ELAVL2: variants seen among roughly 807,000 people sequenced by gnomAD.
ELAVL2 encodes ELAV-like protein 2.
A neutral mutation model predicts 34.6 loss-of-function variants in ELAVL2; 4 were observed. The observed-to-expected ratio is 0.12, with a 90% CI of 0.06 to 0.26. The LOEUF is 0.26. ELAVL2 is among the 10% of genes least tolerant of loss of function. The pLI, the probability that ELAVL2 is intolerant of heterozygous loss-of-function variation, is 1.00. For synonymous variants in ELAVL2, 193 were observed against 154.8 expected (o/e 1.25, Z -1.83); for missense variants, 432 against 442.8 (o/e 0.98, Z 0.22).
upstream of ELAVL2, among the ~76,000 whole-genome samples, chr9:23,831,157 C>A (rs775985924): frequency 6.6e-6 from 1 of 152,182 alleles, no homozygotes; most frequent in East Asian, 1.9e-4. Flanking sequence ...TTCCGATGCT[C>A]GGAGGCTCTT....
rs1326762881 is a variant in ELAVL2 at position 23,692,516 on chromosome 9, G to T, written c.*41C>A. 4.5e-6 allele frequency: 7 copies of T among 1,564,108 alleles called. No individual in the cohort carries two copies. The highest frequency in any genetic ancestry group is 6.1e-6 in the Non-Finnish European group (7 of 1,154,476). ...AAGTTTCTCTTAACTTGCCTTTGTT[G>T]TATAGTTTTCATATATAAATGGACT... On this transcript the variant is annotated 3_prime_UTR_variant, in exon 7 of 7. Coordinates refer to ENST00000397312, the MANE Select transcript of ELAVL2 (RefSeq NM_004432.5).
chr9:23,754,002 CCT>C lies in ELAVL2; in HGVS notation c.229+8002_229+8003del, dbSNP rs144558617. On this transcript the variant is annotated intron_variant, in intron 2 of 6. Transcript: ENST00000397312. The stretch of plus-strand genomic sequence containing the variant: ...GGCAAATACGGCTATTCTAAAAGTT[CCT>C]CTGATAAGGGCTAGGAAAGCACAAA... Among the ~76,000 whole-genome samples, 1,404 of 152,270 alleles carry C rather than the reference CCT, an allele frequency of 9.2e-3. 23 individuals are homozygous for C. The highest frequency in any genetic ancestry group is 0.032 in the African/African-American group (1,325 of 41,556).
At chr9:23,784,554 C>T (rs1228937470) in intron 1 of ELAVL2, among the ~76,000 whole-genome samples, 1 of 152,164 alleles carries the variant, frequency 6.6e-6, no homozygotes, top group East Asian at 1.9e-4. Context: ...TGAGGAATGT[C>T]ATCCTAGGGA....
upstream of ELAVL2, among the ~76,000 whole-genome samples, chr9:23,826,510 G>A (rs548333744): frequency 6.6e-6 from 1 of 152,336 alleles, no homozygotes; most frequent in African/African-American, 2.4e-5. Context: ...ATGGAGTCCC[G>A]TTTCAAGGTA....
chr9:23,724,821 A>G (rs374255451), intron 3 of ELAVL2, among the ~76,000 whole-genome samples: 2 of 152,254 alleles, frequency 1.3e-5, no homozygotes, highest in South Asian at 4.1e-4. Context: ...AGGCAGAGGA[A>G]CAATTTACTC....
chr9:23,769,273 G>A (rs993784875), intron 1 of ELAVL2, among the ~76,000 whole-genome samples: 3 of 152,178 alleles, frequency 2.0e-5, no homozygotes, highest in African/African-American at 7.2e-5. Context: ...GGAACTTGCA[G>A]CAGGGACAAA....
At chr9:23,756,146 AAAG>A (rs1414966961) in intron 2 of ELAVL2, among the ~76,000 whole-genome samples, 1 of 152,152 alleles carries the variant, frequency 6.6e-6, no homozygotes, top group Admixed American at 6.6e-5. Flanking sequence ...TTGATAGAAT[AAAG>A]AAGGATCAAA....
intron 2 of ELAVL2, among the ~76,000 whole-genome samples, chr9:23,743,539 G>C (rs529519633): frequency 6.6e-6 from 1 of 152,148 alleles, no homozygotes; most frequent in Non-Finnish European, 1.5e-5. Flanking sequence ...ACAGAGGCTT[G>C]TCTTGTCTTT....
At position 23,694,017 on chromosome 9, in the gene ELAVL2, T is replaced by A. The variant is rs142885466; in HGVS notation, c.714-531A>T. Among the ~76,000 whole-genome samples, 7 of 152,242 alleles carry A rather than the reference T, an allele frequency of 4.6e-5. No homozygotes were observed. In the East Asian group the frequency reaches 1.4e-3, roughly 29 times the overall value. ...TTTGAAGGGCTTTCATCTTTTAGAA[T>A]CAAGGAGGTATAATTACAGGTAGAA... On this transcript the variant is annotated intron_variant, in intron 5 of 6. Transcript: ENST00000397312.
At chr9:23,793,109 A>T (rs2137295444) in intron 1 of ELAVL2, among the ~76,000 whole-genome samples, 1 of 152,184 alleles carries the variant, frequency 6.6e-6, no homozygotes, top group South Asian at 2.1e-4. Context: ...TATTGTTGTG[A>T]CAATTTGGAA....
chr9:23,758,053 C>A (rs2053999621), intron 2 of ELAVL2, among the ~76,000 whole-genome samples: 1 of 152,008 alleles, frequency 6.6e-6, no homozygotes, highest in Non-Finnish European at 1.5e-5. Context: ...TCCTGTAACC[C>A]AATTAACGCA....
intron 1 of ELAVL2, among the ~76,000 whole-genome samples, chr9:23,799,209 A>G (rs1488525728): frequency 6.6e-6 from 1 of 152,194 alleles, no homozygotes; most frequent in Non-Finnish European, 1.5e-5. Context: ...AAAACCCAAA[A>G]TACAAAGGAG....
At chr9:23,694,876 G>C (rs552654236) in intron 5 of ELAVL2, among the ~76,000 whole-genome samples, 8 of 151,978 alleles carry the variant, frequency 5.3e-5, no homozygotes, top group Non-Finnish European at 8.8e-5. Context: ...CGTGGTGCGT[G>C]TGTGTGTGTG....
the ELAVL2 span, among the ~76,000 whole-genome samples, chr9:23,843,468 G>C: frequency 2.0e-5 from 3 of 152,014 alleles, no homozygotes; most frequent in Admixed American, 1.3e-4. Context: ...AACAAATTTT[G>C]TTCTGATCAC....
chr9:23,847,779 T>C, the ELAVL2 span, among the ~76,000 whole-genome samples: 1 of 152,112 alleles, frequency 6.6e-6, no homozygotes, highest in Non-Finnish European at 1.5e-5. Flanking sequence ...GCATTAAATA[T>C]ATAGCATTAA....
At chr9:23,775,479 G>A (rs2058043562) in intron 1 of ELAVL2, among the ~76,000 whole-genome samples, 1 of 152,200 alleles carries the variant, frequency 6.6e-6, no homozygotes, top group South Asian at 2.1e-4. Context: ...ACTGGGATTT[G>A]AAATCAGTGC....
intron 2 of ELAVL2, among the ~76,000 whole-genome samples, chr9:23,732,143 G>A (rs540320593): frequency 2.1e-4 from 32 of 152,252 alleles, no homozygotes; most frequent in African/African-American, 7.2e-4. Context: ...GCCCAAGGAC[G>A]GTCCAAATGC....
chr9:23,775,926 C>T (rs1284037395), intron 1 of ELAVL2, among the ~76,000 whole-genome samples: 2 of 152,176 alleles, frequency 1.3e-5, no homozygotes, highest in Non-Finnish European at 2.9e-5. Context: ...GACCAGATAA[C>T]TCTGTGTGCT....
chr9:23,752,021 C>T (rs1260785768), intron 2 of ELAVL2, among the ~76,000 whole-genome samples: 2 of 152,148 alleles, frequency 1.3e-5, no homozygotes, highest in African/African-American at 2.4e-5. Context: ...TTGCATTCTT[C>T]CCACATCATG....
Sources: allele counts gnomAD v4.1 joint callset (sites outside exome capture counted in the v4.1 genomes callset), GRCh38; gene constraint gnomAD v4.1.1; transcripts MANE v1.5; gene names NCBI Gene and HGNC (gene_info 2026-07-23, HGNC 2026-07-21).